CPVL: variants seen among roughly 807,000 people sequenced by gnomAD.
The protein encoded by CPVL is carboxypeptidase vitellogenic like.
A neutral mutation model predicts 63.7 loss-of-function variants in CPVL; 51 were observed. The observed-to-expected ratio is 0.80, with a 90% confidence interval of 0.64 to 1.01. The LOEUF is 1.01. CPVL is among the 50% of genes least tolerant of loss of function. The pLI is 0.00. For missense variants in CPVL, 530 were observed against 573.1 expected (o/e 0.92, Z 0.77); for synonymous variants, 195 against 206.0 (o/e 0.95, Z 0.46).
At chr7:29,028,735 TG>T (rs34772545) in intron 12 of CPVL, among the ~76,000 whole-genome samples, 24,543 of 151,816 alleles carry the variant, frequency 0.16, 2,029 homozygotes, top group Middle Eastern at 0.24. Flanking sequence ...GAGGCCAAGG[TG>T]GGGCAGATCA....
At chr7:29,174,630 T>G (rs1797037008) in intron 5 of CPVL, among the ~76,000 whole-genome samples, 1 of 152,122 alleles carries the variant, frequency 6.6e-6, no homozygotes, top group Non-Finnish European at 1.5e-5. Context: ...GGAGGCCGAC[T>G]TGGGCGGATC....
intron 1 of CPVL, among the ~76,000 whole-genome samples, chr7:29,138,067 C>A (rs1584373304): frequency 6.6e-6 from 1 of 152,264 alleles, no homozygotes; most frequent in South Asian, 2.1e-4. Flanking sequence ...TCACAATAAT[C>A]TAGAATAAAG....
At chr7:29,168,177 A>G (rs1402113494) in intron 5 of CPVL, among the ~76,000 whole-genome samples, 1 of 152,118 alleles carries the variant, frequency 6.6e-6, no homozygotes, top group Non-Finnish European at 1.5e-5. Flanking sequence ...ACATCTTCTG[A>G]CGTTTGGTCT....
chr7:29,055,717 G>A (rs1335181597), intron 11 of CPVL, among the ~76,000 whole-genome samples: 1 of 152,208 alleles, frequency 6.6e-6, no homozygotes, highest in Non-Finnish European at 1.5e-5. Context: ...GCCCAGCACT[G>A]AGGACACTGG....
chr7:29,146,892 TG>T, upstream of CPVL: 1 of 1,551,238 alleles, frequency 6.4e-7, no homozygotes, highest in African/African-American at 1.4e-5. Flanking sequence ...AAGCGAGTGG[TG>T]TTTGATTCCC....
chr7:29,096,259 C>T (rs768365790), intron 3 of CPVL, 42 bp from the exon 4 acceptor site: 2 of 1,463,126 alleles, frequency 1.4e-6, no homozygotes, highest in South Asian at 1.1e-5. Context: ...AGAACACTCA[C>T]TTAAGGCTAC....
At chr7:29,070,064 A>C (rs142316804) in intron 9 of CPVL, among the ~76,000 whole-genome samples, 3 of 152,248 alleles carry the variant, frequency 2.0e-5, no homozygotes, top group African/African-American at 7.2e-5. Flanking sequence ...CCTAAGTATC[A>C]TTTTATCTAT....
At chr7:29,059,566 C>CA (rs1791069869) in intron 11 of CPVL, among the ~76,000 whole-genome samples, 2 of 152,264 alleles carry the variant, frequency 1.3e-5, no homozygotes, top group South Asian at 4.1e-4. Context: ...ATCAAAGTGA[C>CA]ACATCACAGA....
At chr7:29,088,923 C>T (rs989448233) in intron 6 of CPVL, among the ~76,000 whole-genome samples, 9 of 152,048 alleles carry the variant, frequency 5.9e-5, no homozygotes, top group African/African-American at 2.2e-4. Context: ...GGCAGTGAGC[C>T]GAGATCACGC....
intron 12 of CPVL, among the ~76,000 whole-genome samples, chr7:29,024,509 G>A (rs1469816066): frequency 6.6e-6 from 1 of 152,012 alleles, no homozygotes; most frequent in African/African-American, 2.4e-5. Context: ...ATCTCCAAAT[G>A]GATTCAATCC....
intron 7 of CPVL, among the ~76,000 whole-genome samples, chr7:29,074,646 C>A (rs1341390318): frequency 6.6e-6 from 1 of 151,652 alleles, no homozygotes; most frequent in Admixed American, 6.6e-5. Context: ...GGGGCAGTTT[C>A]CCCCATGCTA....
At chr7:29,172,407 A>C (rs1172305141) in intron 5 of CPVL, among the ~76,000 whole-genome samples, 1 of 152,184 alleles carries the variant, frequency 6.6e-6, no homozygotes, top group Non-Finnish European at 1.5e-5. Context: ...AGTTTTCTTA[A>C]TATGCTGTAA....
At chr7:29,170,441 T>C (rs1478133019) in intron 5 of CPVL, among the ~76,000 whole-genome samples, 1 of 152,236 alleles carries the variant, frequency 6.6e-6, no homozygotes, top group Admixed American at 6.5e-5. Flanking sequence ...TTTTGAATAC[T>C]GCACATGTTA....
chr7:29,144,110 T>C (rs1013905714), intron 1 of CPVL, among the ~76,000 whole-genome samples: 1 of 152,194 alleles, frequency 6.6e-6, no homozygotes, highest in Admixed American at 6.5e-5. Context: ...CGTTAATGAG[T>C]CATTGTTCTA....
At chr7:29,069,424 G>C (rs1375876853) in intron 9 of CPVL, among the ~76,000 whole-genome samples, 6 of 136,828 alleles carry the variant, frequency 4.4e-5, no homozygotes, top group African/African-American at 1.1e-4. Context: ...CTGGGCAAGA[G>C]AGCGAGACTC....
At chr7:29,003,200 A>C (rs1784846032) in intron 12 of CPVL, among the ~76,000 whole-genome samples, 1 of 151,614 alleles carries the variant, frequency 6.6e-6, no homozygotes, top group South Asian at 2.1e-4. Context: ...AGAGAATAGC[A>C]TTTTGCTAAA....
At chr7:29,010,806 G>T (rs572586353) in intron 12 of CPVL, 21 of 152,264 alleles carry the variant, frequency 1.4e-4, no homozygotes, top group African/African-American at 4.6e-4. Flanking sequence ...TAGAGAGAGG[G>T]TCAAGTAATT....
intron 1 of CPVL, among the ~76,000 whole-genome samples, chr7:29,144,519 C>T (rs1792240187): frequency 2.0e-5 from 3 of 152,004 alleles, no homozygotes; most frequent in South Asian, 2.1e-4. Context: ...AGAGATGGTG[C>T]CACTCCAGCT....
chr7:29,095,711 A>G (rs573286850), intron 4 of CPVL, among the ~76,000 whole-genome samples: 1 of 152,256 alleles, frequency 6.6e-6, no homozygotes, highest in East Asian at 1.9e-4. Flanking sequence ...CTTCCAAGTT[A>G]TCAGATAATG....
Sources: gnomAD v4.1 joint callset for allele counts (sites outside exome capture counted in the v4.1 genomes callset) on GRCh38, gnomAD v4.1.1 for gene constraint, MANE v1.5 for transcripts, NCBI Gene and HGNC (gene_info 2026-07-23, HGNC 2026-07-21) for gene names.